PRRX1: variants seen among roughly 807,000 people sequenced by gnomAD.
The protein encoded by PRRX1 is paired mesoderm homeobox protein 1.
A neutral mutation model predicts 24.0 loss-of-function variants in PRRX1; 8 were observed. The ratio of observed to expected loss-of-function variants is 0.33; its 90% CI spans 0.20 to 0.60. The LOEUF (loss-of-function observed/expected upper bound fraction) is 0.60, where lower values mean the gene tolerates loss of function less well. Among genes scored for constraint, PRRX1 ranks in the 20% least tolerant of loss-of-function variants. The pLI, the probability that PRRX1 is intolerant of heterozygous loss-of-function variation, is 0.82. For synonymous variants in PRRX1, 160 were observed against 131.7 expected (o/e 1.22, Z -1.47); for missense variants, 281 against 322.4 (o/e 0.87, Z 0.98).
At chr1:170,672,409 A>T (rs1033507560) in intron 1 of PRRX1, among the ~76,000 whole-genome samples, 2 of 152,356 alleles carry the variant, frequency 1.3e-5, no homozygotes, top group Middle Eastern at 3.4e-3. Flanking sequence ...ACAGGAGCAC[A>T]AGGCCAGAAC....
chr1:170,706,831 T>C (rs1482834598), intron 1 of PRRX1, among the ~76,000 whole-genome samples: 1 of 152,100 alleles, frequency 6.6e-6, no homozygotes, highest in Non-Finnish European at 1.5e-5. Flanking sequence ...AGACTGGTGC[T>C]CAAACCAGAA....
rs1655652759 is a variant in PRRX1 at position 170,737,445 on chromosome 1, T to G, written c.*1259T>G. 1.0e-5 allele frequency: 2 copies of G among 199,508 alleles called. No homozygotes were observed. The highest frequency in any genetic ancestry group is 2.1e-5 in the Non-Finnish European group (2 of 96,692). 12.4% of individuals were successfully genotyped at this position (199,508 alleles called of 1,614,324 possible). On this transcript the variant is annotated 3_prime_UTR_variant, in exon 4 of 4. Transcript: ENST00000239461. Reference sequence around the variant, plus strand: ...ATGTCCTTGAGTTTGGAGCCTGAGCTCTGGTGAAATGCTGATACATCTGAT... The same window carrying G: ...ATGTCCTTGAGTTTGGAGCCTGAGCGCTGGTGAAATGCTGATACATCTGAT...
chr1:170,725,560 A>T (rs1360091421), intron 2 of PRRX1, among the ~76,000 whole-genome samples: 2 of 152,184 alleles, frequency 1.3e-5, no homozygotes, highest in African/African-American at 2.4e-5. Context: ...TCCAAGAGGG[A>T]TAACTCTGAA....
chr1:170,694,492 G>C (rs1438776101), intron 1 of PRRX1, among the ~76,000 whole-genome samples: 1 of 152,096 alleles, frequency 6.6e-6, no homozygotes, highest in African/African-American at 2.4e-5. Context: ...ATCTAGGAGA[G>C]GCATATTCCC....
chr1:170,681,223 G>A (rs578201943), intron 1 of PRRX1, among the ~76,000 whole-genome samples: 2 of 152,258 alleles, frequency 1.3e-5, no homozygotes, highest in South Asian at 2.1e-4. Flanking sequence ...CTTACCAATA[G>A]GGCTTTGAGA....
At chr1:170,704,342 T>G (rs577345255) in intron 1 of PRRX1, among the ~76,000 whole-genome samples, 1 of 152,348 alleles carries the variant, frequency 6.6e-6, no homozygotes, top group South Asian at 2.1e-4. Context: ...CCAACTACAC[T>G]GAGAATAAAG....
At chr1:170,723,324 CA>C (rs34156573) in intron 2 of PRRX1, among the ~76,000 whole-genome samples, 1 of 150,954 alleles carries the variant, frequency 6.6e-6, no homozygotes, top group Admixed American at 6.6e-5. Context: ...GCTCACTCCA[CA>C]AAAAGAATTT....
intron 1 of PRRX1, among the ~76,000 whole-genome samples, chr1:170,674,211 C>T (rs1027624128): frequency 6.6e-6 from 1 of 152,188 alleles, no homozygotes; most frequent in African/African-American, 2.4e-5. Context: ...CTGTCACACA[C>T]ACACACGTGT....
In PRRX1 at chr1:170,664,185, A is replaced by C; in HGVS notation, c.-34A>C. On this transcript the variant is annotated 5_prime_UTR_variant, in exon 1 of 4. Coordinates refer to ENST00000239461, the MANE Select transcript of PRRX1 (RefSeq NM_022716.4). ...AGCGTTTGGTGTTGATTCGAGCGGG[A>C]AGAGGGGGGTGGGTGGGATCGGTGG... 6.3e-7 allele frequency: 1 copy of C among 1,587,298 alleles called. No individual in the cohort carries two copies. The highest frequency in any genetic ancestry group is 8.6e-7 in the Non-Finnish European group (1 of 1,168,390).
chr1:170,730,433 A>T (rs1422157292), intron 3 of PRRX1: 8 of 1,205,926 alleles, frequency 6.6e-6, no homozygotes, highest in Non-Finnish European at 9.7e-6. Context: ...TGGGGGTTGC[A>T]GTTCTAGAAA....
rs1655593569 is a variant in PRRX1, at chr1:170,736,123, C to T, written c.675C>T (p.Ala225=). 1.2e-6 allele frequency: 2 copies of T among 1,614,154 alleles called. No individual in the cohort carries two copies. The highest frequency in any genetic ancestry group is 1.7e-6 in the Non-Finnish European group (2 of 1,180,006). ...AQGINMANSI[A]NLRLKAKEYS... ...GCATCAACATGGCCAACAGCATTGC[C>T]AACCTGAGACTGAAGGCCAAGGAAT... The change falls in exon 4 of 4, where the codon GCC becomes GCT. Residue 225 remains alanine (A), a synonymous_variant. Transcript: ENST00000239461.
At chr1:170,731,664 A>T (rs1175727563) in intron 3 of PRRX1, among the ~76,000 whole-genome samples, 1 of 152,154 alleles carries the variant, frequency 6.6e-6, no homozygotes, top group Non-Finnish European at 1.5e-5. Context: ...GGGTAGGTTG[A>T]AATGATAAAA....
At chr1:170,686,252 A>G (rs1030298618) in intron 1 of PRRX1, among the ~76,000 whole-genome samples, 1 of 152,088 alleles carries the variant, frequency 6.6e-6, no homozygotes, top group African/African-American at 2.4e-5. Flanking sequence ...TGAGTGGAAA[A>G]TGGCAGCTCG....
Position 170,671,156 on chromosome 1 carries a change from C to G in PRRX1, c.241+6697C>G, listed in dbSNP as rs938689871. Among the ~76,000 whole-genome samples, 4 of 152,252 alleles carry G rather than the reference C, an allele frequency of 2.6e-5. 1 individual carries two copies. In the South Asian group the frequency reaches 8.3e-4, roughly 32 times the overall value. On this transcript the variant is annotated intron_variant, in intron 1 of 3. Coordinates refer to ENST00000239461, the MANE Select transcript of PRRX1 (RefSeq NM_022716.4). ...CTACTCCTATTTTGTTTACTTTCAC[C>G]GAGTTACTGTGAAGTGATTGGAAAC...
chr1:170,728,734 GT>G (rs1405058626), intron 3 of PRRX1: 1 of 152,122 alleles, frequency 6.6e-6, no homozygotes, highest in Non-Finnish European at 1.5e-5. Context: ...TGACTGAAGT[GT>G]TTATATTTTG....
chr1:170,690,141 A>T (rs184344016), intron 1 of PRRX1, among the ~76,000 whole-genome samples: 18 of 151,084 alleles, frequency 1.2e-4, no homozygotes, highest in Admixed American at 2.6e-4. Flanking sequence ...CATTTTTTCA[A>T]CATTTACTGA....
At chr1:170,722,120 G>C (rs1398666056) in intron 2 of PRRX1, among the ~76,000 whole-genome samples, 1 of 152,074 alleles carries the variant, frequency 6.6e-6, no homozygotes, top group African/African-American at 2.4e-5. Flanking sequence ...TTTTAGAGTA[G>C]TGAACATTTC....
At chr1:170,699,335 T>G (rs1654276052) in intron 1 of PRRX1, among the ~76,000 whole-genome samples, 1 of 152,004 alleles carries the variant, frequency 6.6e-6, no homozygotes, top group Non-Finnish European at 1.5e-5. Context: ...ATTTTATTAT[T>G]TTACAAAACC....
At chr1:170,689,792 A>G (rs895665513) in intron 1 of PRRX1, among the ~76,000 whole-genome samples, 2 of 144,566 alleles carry the variant, frequency 1.4e-5, no homozygotes, top group Admixed American at 7.0e-5. Flanking sequence ...TGTAGAGCCG[A>G]ACTGATGAGA....
Sources: allele counts gnomAD v4.1 joint callset (sites outside exome capture counted in the v4.1 genomes callset), GRCh38; gene constraint gnomAD v4.1.1; transcripts MANE v1.5; gene names NCBI Gene and HGNC (gene_info 2026-07-23, HGNC 2026-07-21).